Variants in MRAS observed in about 807,000 individuals in gnomAD.
MRAS encodes the protein ras-related protein M-Ras.
A neutral mutation model predicts 20.9 loss-of-function variants in MRAS; 4 were observed. That is an observed-to-expected ratio of 0.19 (90% confidence interval 0.09 to 0.44). The LOEUF (loss-of-function observed/expected upper bound fraction) is 0.44, where lower values mean the gene tolerates loss of function less well. Ranked by LOEUF, MRAS falls within the 20% of genes least tolerant of loss-of-function variation. The pLI is 0.99. For missense variants in MRAS, 154 were observed against 277.5 expected (o/e 0.56, Z 3.16); for synonymous variants, 98 against 102.9 (o/e 0.95, Z 0.29).
chr3:138,359,704 C>CAGGCCAAG (rs1281219169), intron 1 of MRAS, among the ~76,000 whole-genome samples: 2 of 152,170 alleles, frequency 1.3e-5, no homozygotes, highest in Non-Finnish European at 2.9e-5. Context: ...CCATGTCCTG[C>CAGGCCAAG]AGGCCAAGTA....
At chr3:138,360,136 C>T (rs2108501944) in intron 1 of MRAS, among the ~76,000 whole-genome samples, 1 of 152,308 alleles carries the variant, frequency 6.6e-6, no homozygotes, top group African/African-American at 2.4e-5. Context: ...TTGACACAGC[C>T]TCTGCCGGCA....
At chr3:138,357,629 C>T (rs2054362439) in intron 1 of MRAS, among the ~76,000 whole-genome samples, 1 of 152,236 alleles carries the variant, frequency 6.6e-6, no homozygotes, top group Non-Finnish European at 1.5e-5. Context: ...CAGCCCTCCC[C>T]ATCTGCAGTA....
chr3:138,369,377 G>A (rs2054627855), intron 1 of MRAS, among the ~76,000 whole-genome samples: 1 of 152,172 alleles, frequency 6.6e-6, no homozygotes, highest in South Asian at 2.1e-4. Context: ...CCATGAGGAG[G>A]TTTGTGCTCT....
chr3:138,357,418 A>C (rs1280681522), intron 1 of MRAS, among the ~76,000 whole-genome samples: 1 of 152,188 alleles, frequency 6.6e-6, no homozygotes, highest in African/African-American at 2.4e-5. Flanking sequence ...CTCCTCTTCC[A>C]TATCTGTAAT....
chr3:138,359,279 T>A (rs2054397448), intron 1 of MRAS, among the ~76,000 whole-genome samples: 2 of 152,178 alleles, frequency 1.3e-5, no homozygotes, highest in Non-Finnish European at 2.9e-5. Context: ...ACCTCCAGCC[T>A]GGTTCACCAC....
intron 1 of MRAS, among the ~76,000 whole-genome samples, chr3:138,370,533 C>T (rs1576356270): frequency 6.6e-6 from 1 of 152,162 alleles, no homozygotes; most frequent in South Asian, 2.1e-4. Flanking sequence ...CCTTCACCGT[C>T]ATGGATTTGG....
rs2055393950 is a variant in MRAS, at chr3:138,403,165, A to T, written c.*896A>T. On this transcript the variant is annotated 3_prime_UTR_variant, in exon 6 of 6. Transcript: ENST00000423968. ...GCAAACATGTTCATTTGTTTTTCAG[A>T]CAGTATGGGTTAAGTTCTCTGCCCT... is the stretch of plus-strand genomic sequence containing the variant. 1 of 152,186 alleles carries T rather than the reference A, an allele frequency of 6.6e-6. No individual in the cohort carries two copies. The highest frequency in any genetic ancestry group is 1.5e-5 in the Non-Finnish European group (1 of 68,036). The allele number at this position is 152,186 out of a possible 1,614,324, so 9.4% of individuals were successfully genotyped here. A position where few individuals can be genotyped will look rare whatever the true frequency, so the allele number is the denominator to read the frequency against.
At chr3:138,398,028 C>T (rs1413440984) in intron 3 of MRAS, among the ~76,000 whole-genome samples, 4 of 152,212 alleles carry the variant, frequency 2.6e-5, no homozygotes, top group Admixed American at 6.5e-5. Context: ...CTCAATGCTG[C>T]GGTGAGATTG....
At chr3:138,358,364 A>T (rs1379716570) in intron 1 of MRAS, among the ~76,000 whole-genome samples, 2 of 151,848 alleles carry the variant, frequency 1.3e-5, no homozygotes, top group African/African-American at 4.8e-5. Context: ...TAAAGGGGCC[A>T]TTAAATAACT....
intron 2 of MRAS, among the ~76,000 whole-genome samples, chr3:138,379,638 A>G (rs1248129403): frequency 1.3e-5 from 2 of 152,172 alleles, no homozygotes; most frequent in African/African-American, 2.4e-5. Context: ...CATTACAGGC[A>G]TGAGCCACTG....
chr3:138,352,955 G>T (rs1202787737), intron 1 of MRAS, among the ~76,000 whole-genome samples: 2 of 152,030 alleles, frequency 1.3e-5, no homozygotes, highest in Non-Finnish European at 2.9e-5. Context: ...GTGAAAATAC[G>T]CTTGGGAGGC....
At chr3:138,398,290 G>C (rs2055282722) in intron 3 of MRAS, among the ~76,000 whole-genome samples, 179 bp from the exon 4 acceptor site, 1 of 152,202 alleles carries the variant, frequency 6.6e-6, no homozygotes, top group African/African-American at 2.4e-5. Flanking sequence ...CAGCCCCCGG[G>C]CCCTTTCCCC....
intron 1 of MRAS, among the ~76,000 whole-genome samples, chr3:138,364,770 TCTGGGGTG>T (rs1295753120): frequency 6.6e-6 from 1 of 152,224 alleles, no homozygotes; most frequent in African/African-American, 2.4e-5. Flanking sequence ...CCAGCCTGGA[TCTGGGGTG>T]CTGGGGTGGG....
At chr3:138,365,850 G>A (rs987711487) in intron 1 of MRAS, among the ~76,000 whole-genome samples, 2 of 152,208 alleles carry the variant, frequency 1.3e-5, no homozygotes, top group African/African-American at 4.8e-5. Flanking sequence ...CTGGGAATGG[G>A]GGGGAGCAGC....
At chr3:138,361,061 G>A (rs1156691286) in intron 1 of MRAS, among the ~76,000 whole-genome samples, 2 of 152,202 alleles carry the variant, frequency 1.3e-5, no homozygotes, top group Non-Finnish European at 2.9e-5. Flanking sequence ...TAATGGCTGC[G>A]GAGCACTTGC....
intron 2 of MRAS, among the ~76,000 whole-genome samples, chr3:138,381,588 T>C (rs2054905753): frequency 6.6e-6 from 1 of 152,170 alleles, no homozygotes; most frequent in African/African-American, 2.4e-5. Flanking sequence ...TGCATCTTTC[T>C]TCCATCGGTG....
intron 2 of MRAS, among the ~76,000 whole-genome samples, chr3:138,378,086 C>G (rs914819880): frequency 1.3e-5 from 2 of 152,202 alleles, no homozygotes; most frequent in Non-Finnish European, 2.9e-5. Flanking sequence ...GGAAGGGGAG[C>G]TGAAGTCCCA....
chr3:138,350,797 G>A (rs2054211612), intron 1 of MRAS, among the ~76,000 whole-genome samples: 1 of 152,096 alleles, frequency 6.6e-6, no homozygotes, highest in Admixed American at 6.6e-5. Context: ...ACAAAAATTA[G>A]CTGGGCCTGG....
intron 1 of MRAS, among the ~76,000 whole-genome samples, chr3:138,372,339 G>A (rs62282866): frequency 0.012 from 1,867 of 152,234 alleles, 20 homozygotes; most frequent in Non-Finnish European, 0.021. Context: ...AGAGAGAAAG[G>A]AGCCACAATC....
Sources: gnomAD v4.1 joint callset for allele counts (sites outside exome capture counted in the v4.1 genomes callset) on GRCh38, gnomAD v4.1.1 for gene constraint, MANE v1.5 for transcripts, NCBI Gene and HGNC (gene_info 2026-07-23, HGNC 2026-07-21) for gene names.